Variants in SDCCAG8 observed in about 807,000 individuals in gnomAD.
SDCCAG8 encodes serologically defined colon cancer antigen 8.
A neutral mutation model predicts 101.8 loss-of-function variants in SDCCAG8; 74 were observed. The observed-to-expected ratio is 0.73, with a 90% CI of 0.60 to 0.88. The LOEUF (loss-of-function observed/expected upper bound fraction) is 0.88. Among genes scored for constraint, SDCCAG8 ranks in the 40% least tolerant of loss-of-function variants. The pLI is 0.00. For missense variants in SDCCAG8, 787 were observed against 822.6 expected (o/e 0.96, Z 0.53); for synonymous variants, 281 against 292.9 (o/e 0.96, Z 0.41).
intron 16 of SDCCAG8, among the ~76,000 whole-genome samples, chr1:243,465,638 T>C (rs1230439091): frequency 6.6e-6 from 1 of 152,218 alleles, no homozygotes. Flanking sequence ...TTTCAGATAA[T>C]TTAGGTGTCA....
intron 17 of SDCCAG8, among the ~76,000 whole-genome samples, 158 bp downstream of exon 17, chr1:243,489,298 C>T (rs1023529866): frequency 2.0e-5 from 3 of 152,180 alleles, no homozygotes; most frequent in African/African-American, 7.2e-5. Flanking sequence ...AGTGCAGGAC[C>T]CAGAGAAGCG....
At chr1:243,400,045 G>A (rs555617610) in intron 13 of SDCCAG8, among the ~76,000 whole-genome samples, 1 of 152,292 alleles carries the variant, frequency 6.6e-6, no homozygotes, top group African/African-American at 2.4e-5. Flanking sequence ...CTAGGCTCCC[G>A]ACTACGATTT....
chr1:243,362,292 C>A (rs111871994), intron 12 of SDCCAG8, among the ~76,000 whole-genome samples: 2,827 of 129,514 alleles, frequency 0.022, 102 homozygotes, highest in African/African-American at 0.075. Flanking sequence ...GGTGAAGAGA[C>A]GGCCAAGTGA....
At chr1:243,318,109 G>A (rs947089412) in intron 9 of SDCCAG8, 1 of 456,202 alleles carries the variant, frequency 2.2e-6, no homozygotes, top group African/African-American at 2.0e-5. Context: ...CAATCTAAAT[G>A]TTCATCACTG....
At chr1:243,482,639 C>T (rs1193732552) in intron 16 of SDCCAG8, among the ~76,000 whole-genome samples, 1 of 152,186 alleles carries the variant, frequency 6.6e-6, no homozygotes, top group African/African-American at 2.4e-5. Context: ...CAGGCTCCCT[C>T]AAGTGTCCTT....
rs774251401 is a variant in SDCCAG8, at chr1:243,363,800, A to G, written c.1474-14921A>G. ...TGTTTTCTAAACTATGAAAAGCTGT[A>G]TACATACATAGGAATAGAATGGATT... On this transcript the variant is annotated intron_variant, in intron 12 of 17. Coordinates refer to ENST00000366541, the MANE Select transcript of SDCCAG8 (RefSeq NM_006642.5). 5.6e-4 allele frequency among the ~76,000 whole-genome samples: 86 copies of G among 152,360 alleles called. 2 individuals carry two copies. Among genetic ancestry groups the G allele is most frequent in the Non-Finnish European group, 9.0e-4 (61 of 68,034 alleles).
intron 1 of SDCCAG8, 74 bp downstream of exon 1, chr1:243,256,314 T>G: frequency 8.1e-7 from 1 of 1,237,984 alleles, no homozygotes; most frequent in Non-Finnish European, 1.2e-6. Flanking sequence ...ACCAGGTGCG[T>G]TTCCTAACAC....
chr1:243,465,897 T>C (rs1187208719), intron 16 of SDCCAG8, among the ~76,000 whole-genome samples: 2 of 152,222 alleles, frequency 1.3e-5, no homozygotes, highest in East Asian at 3.8e-4. Context: ...TATCCTGGTG[T>C]ACCACAGGCA....
At chr1:243,487,220 G>T (rs1018296442) in intron 16 of SDCCAG8, among the ~76,000 whole-genome samples, 1 of 152,160 alleles carries the variant, frequency 6.6e-6, no homozygotes, top group South Asian at 2.1e-4. Context: ...CCGCTGGCCC[G>T]GGACGTCCTC....
chr1:243,329,849 G>A (rs1259715936), intron 9 of SDCCAG8, among the ~76,000 whole-genome samples: 1 of 152,196 alleles, frequency 6.6e-6, no homozygotes, highest in African/African-American at 2.4e-5. Context: ...TTCTGGAAAT[G>A]CAGAGTGGGA....
At chr1:243,320,106 C>T (rs936114691) in intron 9 of SDCCAG8, among the ~76,000 whole-genome samples, 10 of 152,216 alleles carry the variant, frequency 6.6e-5, no homozygotes, top group Non-Finnish European at 1.5e-4. Context: ...TACTGGATGG[C>T]ACTTTTACTC....
At chr1:243,384,590 C>CCACACACACACACA (rs113914411) in intron 13 of SDCCAG8, among the ~76,000 whole-genome samples, 12 of 149,350 alleles carry the variant, frequency 8.0e-5, no homozygotes, top group Admixed American at 6.7e-5. Context: ...TGTTTAAAAA[C>CCACACACACACACA]CACACACACA....
intron 9 of SDCCAG8, among the ~76,000 whole-genome samples, chr1:243,328,381 C>T (rs983882936): frequency 2.6e-5 from 4 of 151,966 alleles, no homozygotes; most frequent in Non-Finnish European, 4.4e-5. Flanking sequence ...TGGGTTTAAG[C>T]GATTCTCCTG....
At chr1:243,303,702 G>A (rs2071780589) in intron 6 of SDCCAG8, among the ~76,000 whole-genome samples, 1 of 152,094 alleles carries the variant, frequency 6.6e-6, no homozygotes, top group Non-Finnish European at 1.5e-5. Context: ...TACAAAATAT[G>A]TGTTAATTGT....
At chr1:243,306,084 TAAAAAAAAAAAAA>T (rs67568926) in intron 7 of SDCCAG8, 1 of 108,242 alleles carries the variant, frequency 9.2e-6, no homozygotes, top group East Asian at 3.0e-4. Context: ...AGACTCCATC[TAAAAAAAAAAAAA>T]AAAAAAAAAA....
intron 9 of SDCCAG8, among the ~76,000 whole-genome samples, chr1:243,317,332 T>C (rs2073344987): frequency 6.6e-6 from 1 of 151,624 alleles, no homozygotes; most frequent in Non-Finnish European, 1.5e-5. Flanking sequence ...TTTTTTTTTT[T>C]TTTTTTGAGA....
rs1452987829 is a variant in SDCCAG8 at position 243,394,713 on chromosome 1, A to G, written c.1616+15850A>G. Among the ~76,000 whole-genome samples the G allele has an allele frequency of 2.6e-5, 4 of 152,330 alleles. No homozygotes were observed. In the East Asian group the frequency reaches 5.8e-4, roughly 22 times the overall value. ...ATATTTTACCTTCCATCCTACGTCC[A>G]TATGCTGTTTTAGGAAAACTGATTA... is the stretch of plus-strand genomic sequence containing the variant. On this transcript the variant is annotated intron_variant, in intron 13 of 17. Transcript: ENST00000366541.
intron 16 of SDCCAG8, among the ~76,000 whole-genome samples, chr1:243,463,502 G>A (rs1433606727): frequency 6.6e-6 from 1 of 152,180 alleles, no homozygotes; most frequent in Non-Finnish European, 1.5e-5. Context: ...CCTCCTGACT[G>A]CCCAGCCAGC....
At chr1:243,282,288 C>T (rs1245384731) in intron 4 of SDCCAG8, among the ~76,000 whole-genome samples, 2 of 151,574 alleles carry the variant, frequency 1.3e-5, no homozygotes, top group African/African-American at 4.9e-5. Context: ...AGTTTACTTT[C>T]AAGTAAACCT....
Sources: allele counts gnomAD v4.1 joint callset (sites outside exome capture counted in the v4.1 genomes callset), GRCh38; gene constraint gnomAD v4.1.1; transcripts MANE v1.5; gene names NCBI Gene and HGNC (gene_info 2026-07-23, HGNC 2026-07-21).